The following STX8 variants were observed in gnomAD, a reference collection of about 807,000 sequenced individuals.
STX8 encodes syntaxin 8.
STX8 carries 23 observed loss-of-function variants against 37.5 expected under a neutral mutation model. The observed-to-expected ratio is 0.61, with a 90% confidence interval of 0.44 to 0.87. The LOEUF is 0.87. STX8 is among the 40% of genes least tolerant of loss of function. STX8 has a pLI of 0.00. For synonymous variants in STX8, 115 were observed against 99.1 expected, an observed-to-expected ratio of 1.16 and a Z score of -0.95; for missense variants, 313 against 284.7, an observed-to-expected ratio of 1.10 and a Z score of -0.71.
At chr17:9,441,360 T>A (rs554848825) in intron 6 of STX8, among the ~76,000 whole-genome samples, 4 of 151,588 alleles carry the variant, frequency 2.6e-5, no homozygotes, top group African/African-American at 9.7e-5. Context: ...TGTGGTGGCA[T>A]GCACCTGTAG....
intron 4 of STX8, among the ~76,000 whole-genome samples, chr17:9,513,313 CAAAAAAA>C (rs35228175): frequency 2.6e-5 from 2 of 78,036 alleles, no homozygotes; most frequent in African/African-American, 9.4e-5. Flanking sequence ...ACTCTATTTC[CAAAAAAA>C]AAAAAAAAAA....
intron 6 of STX8, chr17:9,437,924 T>G (rs1904491553): frequency 6.6e-6 from 1 of 152,144 alleles, no homozygotes; most frequent in South Asian, 2.1e-4. Flanking sequence ...AACTGGTACT[T>G]ATTCTGGCCT....
Position 9,507,759 on chromosome 17 carries a change from C to T in STX8, c.324-2597G>A, listed in dbSNP as rs535404546. ...ACACATCCCTGGCAAAGTCATGCCA[C>T]CACCACCACAAAGCCTCTCAGCTGA... On this transcript the variant is annotated intron_variant, in intron 4 of 7. Coordinates refer to ENST00000306357, the MANE Select transcript of STX8 (RefSeq NM_004853.3). This position sits in a 1 kb window ranked among gnomAD's most constrained non-coding sequence, Gnocchi z 4.0. 2.0e-5 allele frequency among the ~76,000 whole-genome samples: 3 copies of T among 152,286 alleles called. No individual in the cohort carries two copies. The highest frequency in any genetic ancestry group is 6.5e-5 in the Admixed American group (1 of 15,294).
chr17:9,444,142 C>CTTCTCTCT (rs149810963), intron 6 of STX8, among the ~76,000 whole-genome samples: 36,233 of 150,194 alleles, frequency 0.24, 4,364 homozygotes, highest in African/African-American at 0.26. Context: ...TTCGCACATT[C>CTTCTCTCT]TTCTCTCTTT....
chr17:9,496,355 C>T (rs1904406659), intron 5 of STX8, among the ~76,000 whole-genome samples: 1 of 152,124 alleles, frequency 6.6e-6, no homozygotes, highest in Non-Finnish European at 1.5e-5. Context: ...GGATTACAGG[C>T]GTGAGCCACC....
intron 4 of STX8, among the ~76,000 whole-genome samples, chr17:9,518,462 C>A (rs910940749): frequency 3.9e-5 from 6 of 152,164 alleles, no homozygotes; most frequent in Non-Finnish European, 7.3e-5. Flanking sequence ...ACCTCTTCCC[C>A]CATCTGCCTC....
At chr17:9,517,215 A>C (rs1399605788) in intron 4 of STX8, among the ~76,000 whole-genome samples, 1 of 152,036 alleles carries the variant, frequency 6.6e-6, no homozygotes, top group Non-Finnish European at 1.5e-5. Flanking sequence ...GTCACCAGCC[A>C]TTATGCATTT....
At chr17:9,427,843 T>A (rs1490151309) in intron 6 of STX8, among the ~76,000 whole-genome samples, 1 of 152,156 alleles carries the variant, frequency 6.6e-6, no homozygotes, top group Non-Finnish European at 1.5e-5. Flanking sequence ...AAAATAGAGT[T>A]GAAAAGCGTG....
chr17:9,286,143 G>A (rs1402323422), intron 7 of STX8, among the ~76,000 whole-genome samples: 2 of 152,118 alleles, frequency 1.3e-5, no homozygotes, highest in African/African-American at 4.8e-5. Flanking sequence ...AACTCCAAAA[G>A]CACCTCAGCA....
chr17:9,343,820 G>A (rs886695011), intron 7 of STX8, among the ~76,000 whole-genome samples: 1 of 151,976 alleles, frequency 6.6e-6, no homozygotes, highest in Non-Finnish European at 1.5e-5. Context: ...TTCCACTCCT[G>A]TAGTGTTCTG....
In STX8 at chr17:9,377,490, A is replaced by G. The variant is rs116957391; in HGVS notation, c.643+1062T>C. Among the ~76,000 whole-genome samples the G allele has an allele frequency of 8.4e-3, 1,276 of 152,194 alleles. 40 individuals carry two copies. The highest frequency in any genetic ancestry group is 0.075 in the East Asian group (388 of 5,148). Reference sequence around the variant, plus strand: ...TAATTTTTAAAATTAATTAATTTTGAGACAGGGTCTCACTCTGTCACCCAG... The same window carrying G: ...TAATTTTTAAAATTAATTAATTTTGGGACAGGGTCTCACTCTGTCACCCAG... On this transcript the variant is annotated intron_variant, in intron 7 of 7. Coordinates refer to ENST00000306357, the MANE Select transcript of STX8 (RefSeq NM_004853.3).
chr17:9,253,602 C>T (rs983904735), intron 7 of STX8, among the ~76,000 whole-genome samples: 1 of 152,052 alleles, frequency 6.6e-6, no homozygotes, highest in African/African-American at 2.4e-5. Flanking sequence ...TGGGCTCACC[C>T]TAAGATGACA....
chr17:9,274,993 C>T (rs1303544083), intron 7 of STX8, among the ~76,000 whole-genome samples: 4 of 151,962 alleles, frequency 2.6e-5, no homozygotes, highest in African/African-American at 4.8e-5. Flanking sequence ...TCAAGTAATC[C>T]GCCCGCCTTG....
chr17:9,415,702 G>A (rs146331271), intron 6 of STX8, among the ~76,000 whole-genome samples: 2,450 of 152,254 alleles, frequency 0.016, 37 homozygotes, highest in Non-Finnish European at 0.027. Context: ...CCGGTAGGTG[G>A]AGCTTGCAGT....
intron 7 of STX8, among the ~76,000 whole-genome samples, chr17:9,253,806 A>C (rs2142117408): frequency 6.6e-6 from 1 of 152,290 alleles, no homozygotes; most frequent in East Asian, 1.9e-4. Flanking sequence ...GTGAATTGTC[A>C]AATCAGGGTG....
chr17:9,482,126 C>A (rs28621849), intron 6 of STX8, among the ~76,000 whole-genome samples: 1 of 152,010 alleles, frequency 6.6e-6, no homozygotes, highest in African/African-American at 2.4e-5. Context: ...GTACCATGAT[C>A]GAGCCTGTGA....
intron 2 of STX8, among the ~76,000 whole-genome samples, chr17:9,565,092 C>T: frequency 6.6e-6 from 1 of 152,224 alleles, no homozygotes; most frequent in East Asian, 1.9e-4. Context: ...CCTGTAATCC[C>T]AGCTACCTGG....
At chr17:9,373,706 G>A (rs567316485) in intron 7 of STX8, among the ~76,000 whole-genome samples, 14 of 152,286 alleles carry the variant, frequency 9.2e-5, no homozygotes, top group African/African-American at 2.9e-4. Context: ...TTGGAAGGCC[G>A]AGGAGGGTGG....
At chr17:9,394,766 T>C (rs1214045815) in intron 6 of STX8, among the ~76,000 whole-genome samples, 1 of 151,676 alleles carries the variant, frequency 6.6e-6, no homozygotes, top group Admixed American at 6.6e-5. Flanking sequence ...CACAAACAGT[T>C]ATAAAGTTTA....
Sources: gnomAD v4.1 joint callset for allele counts (sites outside exome capture counted in the v4.1 genomes callset) on GRCh38, gnomAD v4.1.1 for gene constraint, Gnocchi (gnomAD v3.1) non-coding constraint, MANE v1.5 for transcripts, NCBI Gene and HGNC (gene_info 2026-07-23, HGNC 2026-07-21) for gene names.